RTN4: variants seen among roughly 807,000 people sequenced by gnomAD.
RTN4 encodes the protein reticulon 4.
RTN4 carries 32 observed loss-of-function variants against 90.4 expected under a neutral mutation model. The ratio of observed to expected loss-of-function variants is 0.35; its 90% CI spans 0.27 to 0.48. The LOEUF (loss-of-function observed/expected upper bound fraction) is 0.48, where lower values mean the gene tolerates loss of function less well. Among genes scored for constraint, RTN4 ranks in the 20% least tolerant of loss-of-function variants. The probability of loss-of-function intolerance (pLI) is 0.99; values close to 1 mark genes in which losing one functional copy is unlikely to be tolerated. For synonymous variants in RTN4, 629 were observed against 552.5 expected, an observed-to-expected ratio of 1.14 and a Z score of -1.94; for missense variants, 1,706 against 1,430.2, an observed-to-expected ratio of 1.19 and a Z score of -3.11.
chr2:55,028,204 A>G lies in RTN4; in HGVS notation c.573T>C (p.Ala191=), dbSNP rs1289967581. Residue 191 remains alanine (A), a synonymous_variant, in exon 2 of 9, where the codon GCT becomes GCC. Transcript: ENST00000337526. ...TCACAGGCTCAGATGCAGCAGGAAG[A>G]GCAAAAAGGGTCTCATCTGAAAAAC... The part of the protein sequence containing the change: ...SSGSVDETLF[A]LPAASEPVIR... The G allele has an allele frequency of 2.5e-6, 4 of 1,613,112 alleles. No homozygotes were observed. The highest frequency in any genetic ancestry group is 1.1e-5 in the South Asian group (1 of 90,998).
rs376039077 is a variant in RTN4, at chr2:55,070,683, G to A, written c.-63+9806C>T. Among the ~76,000 whole-genome samples, 66 of 151,978 alleles carry A rather than the reference G, an allele frequency of 4.3e-4. 1 individual carries two copies. The highest frequency in any genetic ancestry group is 6.2e-4 in the South Asian group (3 of 4,808). On this transcript the variant is annotated intron_variant, in intron 2 of 3. Transcript: ENST00000427710. The stretch of plus-strand genomic sequence containing the variant: ...AAATTGACTTTGGTTAAAAATCACC[G>A]GTCTATTATTATCTCAGCATATAAA...
chr2:55,096,443 C>T (rs1669036111), intron 1 of RTN4, among the ~76,000 whole-genome samples: 1 of 152,114 alleles, frequency 6.6e-6, no homozygotes, highest in African/African-American at 2.4e-5. Flanking sequence ...TCCCTGGAAT[C>T]TATCATTCAT....
intron 1 of RTN4, among the ~76,000 whole-genome samples, chr2:55,084,832 T>C (rs1330983829): frequency 6.6e-6 from 1 of 152,184 alleles, no homozygotes; most frequent in Admixed American, 6.5e-5. Flanking sequence ...TCACTCAGGC[T>C]GGAGTGCAAT....
chr2:55,125,320 G>A, the RTN4 span, among the ~76,000 whole-genome samples: 1 of 152,270 alleles, frequency 6.6e-6, no homozygotes, highest in African/African-American at 2.4e-5. Flanking sequence ...TAAACAGAAT[G>A]GGAGAAACCT....
intron 2 of RTN4, among the ~76,000 whole-genome samples, chr2:55,063,450 T>G (rs565969698): frequency 3.9e-5 from 6 of 151,924 alleles, no homozygotes; most frequent in African/African-American, 1.4e-4. Flanking sequence ...AGCTGGAACT[T>G]AATGACACCA....
intron 1 of RTN4, among the ~76,000 whole-genome samples, chr2:55,084,012 G>T (rs528132431): frequency 1.3e-5 from 2 of 152,310 alleles, no homozygotes; most frequent in East Asian, 1.9e-4. Context: ...TTTCTGGAAG[G>T]GGGGTGGTCA....
intron 1 of RTN4, among the ~76,000 whole-genome samples, chr2:55,108,734 G>A (rs977802718): frequency 1.3e-5 from 2 of 152,022 alleles, no homozygotes; most frequent in African/African-American, 4.8e-5. Context: ...AAGTAATTGC[G>A]GTTTTTGCCT....
intron 2 of RTN4, among the ~76,000 whole-genome samples, chr2:55,069,922 A>C (rs1308935682): frequency 3.9e-5 from 6 of 152,192 alleles, no homozygotes; most frequent in Non-Finnish European, 8.8e-5. Flanking sequence ...CAACTGGGGA[A>C]AGGATTGAGA....
At chr2:55,070,613 C>A (rs966129935) in intron 2 of RTN4, among the ~76,000 whole-genome samples, 1 of 149,236 alleles carries the variant, frequency 6.7e-6, no homozygotes, top group Non-Finnish European at 1.5e-5. Flanking sequence ...TTGCAATAAC[C>A]AAAAATGCCT....
chr2:55,055,986 T>TTG (rs35396348), intron 2 of RTN4, among the ~76,000 whole-genome samples: 323 of 148,086 alleles, frequency 2.2e-3, no homozygotes, highest in African/African-American at 6.5e-3. Flanking sequence ...ATATATGTGT[T>TTG]TGTGTGTGTG....
chr2:55,038,856 T>G (rs953093087), intron 1 of RTN4, among the ~76,000 whole-genome samples: 7 of 152,242 alleles, frequency 4.6e-5, no homozygotes, highest in African/African-American at 1.7e-4. Context: ...AATCCAAACA[T>G]CCAACGAGTG....
intron 4 of RTN4, among the ~76,000 whole-genome samples, chr2:54,984,549 A>T (rs1052464126): frequency 7.9e-5 from 12 of 152,218 alleles, no homozygotes; most frequent in Non-Finnish European, 1.6e-4. Context: ...TGAAGACAAG[A>T]TGCCTAAGCA....
At chr2:55,020,329 A>T (rs1681332793) in intron 3 of RTN4, among the ~76,000 whole-genome samples, 1 of 152,204 alleles carries the variant, frequency 6.6e-6, no homozygotes, top group African/African-American at 2.4e-5. Flanking sequence ...CCAAAACAGC[A>T]TGGTACTGGC....
intron 1 of RTN4, among the ~76,000 whole-genome samples, chr2:55,092,451 C>G (rs1668956342): frequency 1.3e-5 from 2 of 152,108 alleles, no homozygotes; most frequent in South Asian, 4.1e-4. Flanking sequence ...TCAGCCTGGT[C>G]TCAAACTCCC....
At chr2:55,013,895 C>G (rs894466905) in intron 3 of RTN4, among the ~76,000 whole-genome samples, 2 of 152,020 alleles carry the variant, frequency 1.3e-5, no homozygotes, top group Non-Finnish European at 2.9e-5. Flanking sequence ...AAATGCTACT[C>G]TGAAAGTTAG....
chr2:55,134,533 A>G, the RTN4 span, among the ~76,000 whole-genome samples: 1 of 152,184 alleles, frequency 6.6e-6, no homozygotes, highest in Admixed American at 6.5e-5. Context: ...AGCAGCACCA[A>G]TTTCCTGCAT....
At chr2:55,093,263 G>A (rs978520469) in intron 1 of RTN4, among the ~76,000 whole-genome samples, 1 of 152,042 alleles carries the variant, frequency 6.6e-6, no homozygotes, top group African/African-American at 2.4e-5. Context: ...TGGTTGAAAT[G>A]CTAAAAAATA....
chr2:54,999,948 T>C (rs541865941), intron 3 of RTN4, among the ~76,000 whole-genome samples: 6 of 152,174 alleles, frequency 3.9e-5, no homozygotes, highest in Non-Finnish European at 8.8e-5. Flanking sequence ...TATTTCTTCC[T>C]TCAGGTTAGT....
intron 3 of RTN4, among the ~76,000 whole-genome samples, chr2:54,993,601 G>A (rs1218593650): frequency 6.6e-6 from 1 of 152,164 alleles, no homozygotes. Context: ...AAATGGAAAA[G>A]CTCTGAAAAT....
Sources: gnomAD v4.1 joint callset for allele counts (sites outside exome capture counted in the v4.1 genomes callset) on GRCh38, gnomAD v4.1.1 for gene constraint, MANE v1.5 for transcripts, NCBI Gene and HGNC (gene_info 2026-07-23, HGNC 2026-07-21) for gene names.